Variants in SCP2 observed in about 807,000 individuals in gnomAD.
The protein encoded by SCP2 is SCP-2/3-oxoacyl-CoA thiolase.
In SCP2, 48 loss-of-function variants were observed where a neutral mutation model predicts 71.4. The ratio of observed to expected loss-of-function variants is 0.67; its 90% confidence interval spans 0.53 to 0.86. The LOEUF is 0.86. Among genes scored for constraint, SCP2 ranks in the 40% least tolerant of loss-of-function variants. The pLI is 0.00. For synonymous variants in SCP2, 220 were observed against 218.1 expected, an observed-to-expected ratio of 1.01 and a Z score of -0.08; for missense variants, 560 against 655.6, an observed-to-expected ratio of 0.85 and a Z score of 1.59.
chr1:52,960,657 T>G (rs1656327149), intron 5 of SCP2, among the ~76,000 whole-genome samples: 2 of 147,620 alleles, frequency 1.4e-5, no homozygotes, highest in African/African-American at 5.1e-5. Flanking sequence ...TGTATATATG[T>G]GTATATATAT....
intron 8 of SCP2, among the ~76,000 whole-genome samples, chr1:52,977,966 CAAAA>C (rs57875662): frequency 8.7e-6 from 1 of 114,934 alleles, no homozygotes. Context: ...AACTCCATCT[CAAAA>C]AAAAAAAAAA....
intron 2 of SCP2, chr1:52,943,988 G>A (rs1298379248): frequency 1.2e-5 from 3 of 243,102 alleles, no homozygotes; most frequent in Non-Finnish European, 2.6e-5. Context: ...GCCAGCTAGA[G>A]GTGGTGCTGG....
At chr1:52,972,182 G>C (rs768053254) in intron 6 of SCP2, among the ~76,000 whole-genome samples, 13 of 152,184 alleles carry the variant, frequency 8.5e-5, no homozygotes, top group Non-Finnish European at 1.3e-4. Context: ...ATGTAAGAAA[G>C]CTTATAGTAG....
chr1:52,976,757 TC>T lies in SCP2; in HGVS notation c.663del (p.Leu222TyrfsTer38). Reference sequence around the variant, plus strand: ...AAAGAAGTTTTTGATTTTTTGACTATCTTACAATGTTGGTAAGAAAAATATA... The same window carrying T: ...AAAGAAGTTTTTGATTTTTTGACTATTTACAATGTTGGTAAGAAAAATATA... ...ASKEVFDFLT[I>X]LQCCPTSDGA... is the part of the protein sequence containing the mutation. On this transcript the variant is annotated frameshift_variant, in exon 8 of 16. Transcript: ENST00000371514. LOFTEE classifies it high-confidence loss of function. 1 of 1,466,878 alleles carries T rather than the reference TC, an allele frequency of 6.8e-7. No individual in the cohort carries two copies. Among genetic ancestry groups the T allele is most frequent in the Non-Finnish European group, 9.6e-7 (1 of 1,046,360 alleles). The allele number at this position is 1,466,878 out of a possible 1,614,324, so 90.9% of individuals were successfully genotyped here. A position where few individuals can be genotyped will look rare whatever the true frequency, so the allele number is the denominator to read the frequency against.
chr1:52,981,977 T>G (rs1279902079), intron 10 of SCP2, among the ~76,000 whole-genome samples: 1 of 152,114 alleles, frequency 6.6e-6, no homozygotes, highest in Admixed American at 6.5e-5. Context: ...TCCTCTTGAC[T>G]TCTTTTGCAT....
At chr1:52,962,165 G>T (rs1215000107) in intron 6 of SCP2, among the ~76,000 whole-genome samples, 1 of 152,182 alleles carries the variant, frequency 6.6e-6, no homozygotes, top group African/African-American at 2.4e-5. Context: ...GCCTCCCAAA[G>T]TGTTGGGATT....
chr1:52,967,250 C>T (rs1309483024), intron 6 of SCP2, among the ~76,000 whole-genome samples: 3 of 151,744 alleles, frequency 2.0e-5, no homozygotes, highest in South Asian at 4.2e-4. Flanking sequence ...AACTTTGAAA[C>T]CAACTGCTTT....
chr1:53,037,946 T>C (rs1572224168), intron 13 of SCP2, among the ~76,000 whole-genome samples: 1 of 107,972 alleles, frequency 9.3e-6, no homozygotes, highest in Non-Finnish European at 1.9e-5. Context: ...AGATCCTGTC[T>C]CTATACACAC....
intron 12 of SCP2, among the ~76,000 whole-genome samples, chr1:53,026,288 C>A (rs1662126612): frequency 6.6e-6 from 1 of 152,036 alleles, no homozygotes; most frequent in South Asian, 2.1e-4. Flanking sequence ...TTTGATTATT[C>A]TCTTTTTGCT....
intron 1 of SCP2, 140 bp downstream of exon 1, chr1:52,927,605 C>A (rs927949529): frequency 1.4e-6 from 1 of 692,752 alleles, no homozygotes; most frequent in East Asian, 2.7e-5. Context: ...TTGTACTCTG[C>A]GGAATCTCTG....
intron 1 of SCP2, among the ~76,000 whole-genome samples, chr1:52,931,143 G>A (rs1653112880): frequency 1.3e-5 from 2 of 152,210 alleles, no homozygotes; most frequent in Admixed American, 1.3e-4. Context: ...GGCAAAGTGA[G>A]TAGGAAAGGA....
chr1:53,035,888 C>T (rs1040195293), intron 13 of SCP2, among the ~76,000 whole-genome samples: 9 of 151,756 alleles, frequency 5.9e-5, no homozygotes, highest in African/African-American at 1.5e-4. Flanking sequence ...GGCGTGGTAG[C>T]GGGCGCCTGT....
chr1:52,962,922 T>TA (rs111628028), intron 6 of SCP2, among the ~76,000 whole-genome samples: 3 of 151,924 alleles, frequency 2.0e-5, no homozygotes, highest in African/African-American at 7.2e-5. Flanking sequence ...TATATATATA[T>TA]TCTTGTTTAT....
rs528277290 is a variant in SCP2 at position 53,041,428 on chromosome 1, AG to A, written c.1468+2384del. Among the ~76,000 whole-genome samples the A allele has an allele frequency of 6.6e-5, 10 of 152,162 alleles. No homozygotes were observed. In the South Asian group the frequency reaches 2.1e-3, roughly 32 times the overall value. On this transcript the variant is annotated intron_variant, in intron 14 of 15. Transcript: ENST00000371514. Reference sequence around the variant, plus strand: ...AGAAAAAAAAAAAAAATGACATGATAGGAACTTTGAAAGTCGTTTTGTATAT... The same window carrying A: ...AGAAAAAAAAAAAAAATGACATGATAGAACTTTGAAAGTCGTTTTGTATAT...
At chr1:52,997,940 T>C (rs1332199729) in intron 11 of SCP2, among the ~76,000 whole-genome samples, 3 of 152,216 alleles carry the variant, frequency 2.0e-5, no homozygotes, top group African/African-American at 7.2e-5. Flanking sequence ...ATGTTTGACT[T>C]CTCTCGTGAT....
Position 52,980,539 on chromosome 1 carries a change from A to G in SCP2, c.969A>G (p.Pro323=). The stretch of plus-strand genomic sequence containing the variant: ...CTTATGAAGCACTGGGACTCTGTCC[A>G]GAAGGTAACATCTTTGAATAGGGCA... The part of the protein sequence containing the change: ...LLTYEALGLC[P]EGQGATLVDR... Residue 323 remains proline (P), a synonymous_variant, in exon 10 of 16, where the codon CCA becomes CCG. Transcript: ENST00000371514. 1 of 1,613,674 alleles carries G rather than the reference A, an allele frequency of 6.2e-7. No homozygotes were observed. Among genetic ancestry groups the G allele is most frequent in the South Asian group, 1.1e-5 (1 of 91,068 alleles).
intron 11 of SCP2, among the ~76,000 whole-genome samples, chr1:53,012,287 A>T (rs922989508): frequency 1.3e-4 from 20 of 152,230 alleles, no homozygotes; most frequent in African/African-American, 4.8e-4. Context: ...TTCCCCACTC[A>T]GTCTATTAGC....
At chr1:52,953,593 G>T (rs1655513599) in intron 4 of SCP2, among the ~76,000 whole-genome samples, 1 of 152,094 alleles carries the variant, frequency 6.6e-6, no homozygotes, top group Non-Finnish European at 1.5e-5. Flanking sequence ...CGATACATCT[G>T]CTTTGGCCTC....
intron 11 of SCP2, among the ~76,000 whole-genome samples, chr1:52,989,305 C>G (rs1433582687): frequency 6.6e-6 from 1 of 152,210 alleles, no homozygotes; most frequent in African/African-American, 2.4e-5. Flanking sequence ...CAAAAATTGT[C>G]AAGATCAACT....
Sources: allele counts gnomAD v4.1 joint callset (sites outside exome capture counted in the v4.1 genomes callset), GRCh38; gene constraint gnomAD v4.1.1; transcripts MANE v1.5; gene names NCBI Gene and HGNC (gene_info 2026-07-23, HGNC 2026-07-21).